SMAD9: variants seen among roughly 807,000 people sequenced by gnomAD.
The protein encoded by SMAD9 is SMAD family member 9.
In SMAD9, 36 loss-of-function variants were observed where a neutral mutation model predicts 46.1. The observed-to-expected ratio is 0.78, with a 90% CI of 0.60 to 1.03. SMAD9 has a LOEUF of 1.03. Among genes scored for constraint, SMAD9 ranks in the 50% least tolerant of loss-of-function variants. The pLI is 0.00. For missense variants in SMAD9, 572 were observed against 599.8 expected (o/e 0.95, Z 0.48); for synonymous variants, 245 against 237.1 (o/e 1.03, Z -0.31).
intron 5 of SMAD9, among the ~76,000 whole-genome samples, chr13:36,863,574 G>C (rs1015149518): frequency 4.6e-5 from 7 of 152,122 alleles, no homozygotes; most frequent in African/African-American, 1.7e-4. Flanking sequence ...ATTGGAGGTG[G>C]GGCTTGGTGG....
At chr13:36,869,981 T>G (rs2058275428) in intron 3 of SMAD9, among the ~76,000 whole-genome samples, 1 of 152,206 alleles carries the variant, frequency 6.6e-6, no homozygotes, top group African/African-American at 2.4e-5. Flanking sequence ...TTTAAAAAAT[T>G]TAGAGGCTGA....
At chr13:36,890,007 T>A (rs1369342213) in intron 1 of SMAD9, among the ~76,000 whole-genome samples, 1 of 152,172 alleles carries the variant, frequency 6.6e-6, no homozygotes, top group Non-Finnish European at 1.5e-5. Context: ...TGTAAAAATA[T>A]GATTCAATTT....
chr13:36,877,713 T>G (rs1316042269), intron 2 of SMAD9, among the ~76,000 whole-genome samples: 1 of 152,112 alleles, frequency 6.6e-6, no homozygotes, highest in African/African-American at 2.4e-5. Flanking sequence ...CGCATCAGAT[T>G]TGCCAAGCAT....
At chr13:36,899,707 GCTGAA>G (rs1229031496) in intron 1 of SMAD9, among the ~76,000 whole-genome samples, 2 of 152,206 alleles carry the variant, frequency 1.3e-5, no homozygotes, top group Non-Finnish European at 2.9e-5. Flanking sequence ...CAAAGAAGAG[GCTGAA>G]CTGAAGGATG....
chr13:36,876,246 C>T (rs949235641), intron 2 of SMAD9, among the ~76,000 whole-genome samples: 7 of 152,046 alleles, frequency 4.6e-5, no homozygotes, highest in African/African-American at 1.7e-4. Context: ...AAAAAAAACA[C>T]TTCTGTCTTT....
intron 1 of SMAD9, among the ~76,000 whole-genome samples, chr13:36,901,133 C>G (rs1428473178): frequency 6.6e-6 from 1 of 152,140 alleles, no homozygotes; most frequent in African/African-American, 2.4e-5. Context: ...CTGCTATAAA[C>G]ATTTGTGCAA....
chr13:36,865,873 C>A, intron 4 of SMAD9, 115 bp from the exon 5 acceptor site: 2 of 831,154 alleles, frequency 2.4e-6, no homozygotes, highest in Non-Finnish European at 4.0e-6. Context: ...GCTGCAAGAC[C>A]AAGCATGCCG....
chr13:36,913,303 G>A (rs1189702239), intron 1 of SMAD9, among the ~76,000 whole-genome samples: 2 of 152,134 alleles, frequency 1.3e-5, no homozygotes, highest in African/African-American at 4.8e-5. Flanking sequence ...AAATCCTGGA[G>A]ACTAGGATTT....
chr13:36,875,578 A>T (rs2058338564), intron 2 of SMAD9, among the ~76,000 whole-genome samples: 1 of 152,222 alleles, frequency 6.6e-6, no homozygotes, highest in South Asian at 2.1e-4. Flanking sequence ...CAGGAAAAAA[A>T]AAGATTATGT....
At position 36,879,481 on chromosome 13, in the gene SMAD9, G is replaced by C; in HGVS notation, c.209C>G (p.Thr70Arg). ...CCGCCCGTCCAGGGAGCGGGGAATC[G>C]TGACGCATTTGCTGGGCTGCCCCGG... is the stretch of plus-strand genomic sequence containing the variant. ...SCPGQPSKCV[T>R]IPRSLDGRLQ... The change falls in exon 2 of 7, where the codon ACG becomes AGG. Residue 70 changes from threonine (T) to arginine (R), a missense_variant. By Grantham distance (71) the Thr-to-Arg change is moderately conservative (BLOSUM62 -1). Coordinates refer to ENST00000379826, the MANE Select transcript of SMAD9 (RefSeq NM_001127217.3). 1 of 1,613,900 alleles carries C rather than the reference G, an allele frequency of 6.2e-7. No homozygotes were observed. Among genetic ancestry groups the C allele is most frequent in the Non-Finnish European group, 8.5e-7 (1 of 1,180,022 alleles).
Position 36,874,119 on chromosome 13 carries a change from T to TA in SMAD9, c.413-1205dup, listed in dbSNP as rs529426644. ...GTTGAAGAGCCATCTGTGACCAACA[T>TA]AAGTTCCAGACAGGGAAGCAAAGAA... On this transcript the variant is annotated intron_variant, in intron 2 of 6. Transcript: ENST00000379826. Among the ~76,000 whole-genome samples the TA allele has an allele frequency of 8.5e-4, 130 of 152,206 alleles. 1 individual carries two copies. In the South Asian group the frequency reaches 0.024, roughly 29 times the overall value.
At chr13:36,900,059 G>A (rs1164063845) in intron 1 of SMAD9, among the ~76,000 whole-genome samples, 4 of 152,174 alleles carry the variant, frequency 2.6e-5, no homozygotes, top group East Asian at 1.9e-4. Context: ...GCATGAATCC[G>A]TTACCTTCCT....
intron 1 of SMAD9, among the ~76,000 whole-genome samples, chr13:36,916,355 A>C (rs924099641): frequency 6.6e-6 from 1 of 152,220 alleles, no homozygotes; most frequent in Non-Finnish European, 1.5e-5. Flanking sequence ...TAATGCAATA[A>C]GAGTATCATA....
intron 6 of SMAD9, chr13:36,852,468 C>A: frequency 1.0e-6 from 1 of 985,408 alleles, no homozygotes; most frequent in Non-Finnish European, 1.2e-6. Context: ...ACCCAGTTGT[C>A]TTTCCTTCCC....
intron 5 of SMAD9, among the ~76,000 whole-genome samples, chr13:36,853,974 C>T (rs2058098873): frequency 6.6e-6 from 1 of 152,126 alleles, no homozygotes; most frequent in South Asian, 2.1e-4. Context: ...GCCTGGCCAA[C>T]ACAGTGAAAC....
intron 5 of SMAD9, among the ~76,000 whole-genome samples, chr13:36,860,442 T>C (rs1335024987): frequency 6.7e-6 from 1 of 148,570 alleles, no homozygotes; most frequent in Admixed American, 6.7e-5. Flanking sequence ...AAGGGAGAAA[T>C]TTTTTTACCT....
intron 5 of SMAD9, among the ~76,000 whole-genome samples, chr13:36,862,044 A>G (rs1284993021): frequency 6.6e-6 from 1 of 152,130 alleles, no homozygotes; most frequent in Non-Finnish European, 1.5e-5. Context: ...ACCAAAAATA[A>G]AACTGGAAGG....
Position 36,848,513 on chromosome 13 carries a change from A to G in SMAD9, c.*163T>C. 2.7e-6 allele frequency: 2 copies of G among 742,548 alleles called. No individual in the cohort carries two copies. The highest frequency in any genetic ancestry group is 4.9e-5 in the East Asian group (2 of 40,494). The allele number at this position is 742,548 out of a possible 1,614,324, so 46.0% of individuals were successfully genotyped here. A position where few individuals can be genotyped will look rare whatever the true frequency, so the allele number is the denominator to read the frequency against. On this transcript the variant is annotated 3_prime_UTR_variant, in exon 7 of 7. Coordinates refer to ENST00000379826, the MANE Select transcript of SMAD9 (RefSeq NM_001127217.3). ...AATTGCACTGTACTGGCATCAGGTT[A>G]ACTAGAAAGCACAAAACAAACGGTG...
chr13:36,904,391 C>T lies in SMAD9; in HGVS notation c.-187+15725G>A, dbSNP rs577145308. Reference sequence around the variant, plus strand: ...GCACGGCGCTGGGATTTGCCAGGTGCGAATCGCTCTATCCAAGCCTCAGGG... The same window carrying T: ...GCACGGCGCTGGGATTTGCCAGGTGTGAATCGCTCTATCCAAGCCTCAGGG... On this transcript the variant is annotated intron_variant, in intron 1 of 6. Coordinates refer to ENST00000379826, the MANE Select transcript of SMAD9 (RefSeq NM_001127217.3). Among the ~76,000 whole-genome samples the T allele has an allele frequency of 1.6e-3, 251 of 152,252 alleles. 1 individual carries two copies. The highest frequency in any genetic ancestry group is 5.2e-3 in the Admixed American group (79 of 15,288).
Sources: gnomAD v4.1 joint callset for allele counts (sites outside exome capture counted in the v4.1 genomes callset) on GRCh38, gnomAD v4.1.1 for gene constraint, MANE v1.5 for transcripts, NCBI Gene and HGNC (gene_info 2026-07-23, HGNC 2026-07-21) for gene names.